The following TBK1 variants were observed in gnomAD, a reference collection of about 807,000 sequenced individuals.
TBK1 encodes TANK binding kinase 1, also known as serine/threonine-protein kinase TBK1.
TBK1 carries 37 observed loss-of-function variants against 99.9 expected under a neutral mutation model. The ratio of observed to expected loss-of-function variants is 0.37; its 90% CI spans 0.28 to 0.49. The LOEUF (loss-of-function observed/expected upper bound fraction) is 0.49. TBK1 is among the 20% of genes least tolerant of loss of function. The pLI is 0.98. For missense variants in TBK1, 644 were observed against 872.5 expected, an observed-to-expected ratio of 0.74 and a Z score of 3.30; for synonymous variants, 258 against 279.8, an observed-to-expected ratio of 0.92 and a Z score of 0.78.
chr12:64,478,222 C>T (rs1199039005), intron 6 of TBK1, among the ~76,000 whole-genome samples: 1 of 152,216 alleles, frequency 6.6e-6, no homozygotes, highest in Non-Finnish European at 1.5e-5. Context: ...CTGATCTCAG[C>T]TCACTGCAAC....
chr12:64,496,868 T>A (rs2040930880), intron 16 of TBK1, 81 bp from the exon 17 acceptor site: 2 of 911,270 alleles, frequency 2.2e-6, no homozygotes, highest in Non-Finnish European at 1.7e-6. Context: ...AAAGATACAT[T>A]TCATATATTT....
intron 6 of TBK1, among the ~76,000 whole-genome samples, chr12:64,476,141 C>T (rs1409575308): frequency 3.6e-5 from 5 of 140,490 alleles, no homozygotes; most frequent in Admixed American, 2.2e-4. Flanking sequence ...TGGCAGCTTG[C>T]GTAGTCTTCT....
chr12:64,464,374 C>A lies in TBK1; in HGVS notation c.269C>A (p.Pro90Gln). ...AAAGTACTTATTATGGAATTTTGTC[C>A]ATGTGGGAGTTTATACACTGTTTTA... ...RHKVLIMEFC[P>Q]CGSLYTVLEE... Residue 90 changes from proline (P) to glutamine (Q), a missense_variant, in exon 4 of 21, where the codon CCA becomes CAA. Physicochemically the swap from Pro to Gln is moderately conservative, Grantham distance 76. Around this residue, in one of 3 missense-constraint regions of TBK1, gnomAD observed 148 missense variants for 202.1 expected, o/e 0.73. Coordinates refer to ENST00000331710, the MANE Select transcript of TBK1 (RefSeq NM_013254.4). The A allele has an allele frequency of 6.2e-7, 1 of 1,603,232 alleles. No individual in the cohort carries two copies. Among genetic ancestry groups the A allele is most frequent in the Non-Finnish European group, 8.5e-7 (1 of 1,175,502 alleles).
At chr12:64,497,398 T>C (rs1166678969) in intron 18 of TBK1, 139 bp downstream of exon 18, 1 of 654,144 alleles carries the variant, frequency 1.5e-6, no homozygotes, top group African/African-American at 1.9e-5. Context: ...AGCCAAGTTT[T>C]AAGAATGTAG....
At chr12:64,475,757 G>C (rs1286689574) in intron 6 of TBK1, among the ~76,000 whole-genome samples, 1 of 152,108 alleles carries the variant, frequency 6.6e-6, no homozygotes, top group African/African-American at 2.4e-5. Flanking sequence ...TTGTTATCCA[G>C]TCTGCCATTG....
intron 20 of TBK1, among the ~76,000 whole-genome samples, chr12:64,498,641 C>T (rs558180407): frequency 5.9e-5 from 9 of 152,278 alleles, no homozygotes; most frequent in South Asian, 4.1e-4. Context: ...GGTTCTCAAA[C>T]GCTTGTAATG....
intron 11 of TBK1, 42 bp from the exon 12 acceptor site, chr12:64,488,445 A>C (rs1234996251): frequency 8.1e-7 from 1 of 1,240,122 alleles, no homozygotes; most frequent in South Asian, 1.5e-5. Flanking sequence ...TAGAAAAAAT[A>C]ACTCCTTAGA....
chr12:64,463,756 G>C (rs1169535449), intron 3 of TBK1, among the ~76,000 whole-genome samples: 5 of 150,690 alleles, frequency 3.3e-5, no homozygotes, highest in Non-Finnish European at 7.4e-5. Context: ...TTGTAACATT[G>C]TACCAATGAT....
intron 13 of TBK1, 164 bp from the exon 14 acceptor site, chr12:64,495,319 C>T (rs1037317138): frequency 1.2e-6 from 1 of 819,674 alleles, no homozygotes; most frequent in Admixed American, 2.9e-5. Flanking sequence ...TGGTGGAAAT[C>T]AACCTAAGAA....
intron 11 of TBK1, 78 bp downstream of exon 11, chr12:64,486,095 T>A: frequency 1.1e-6 from 1 of 936,428 alleles, no homozygotes; most frequent in Non-Finnish European, 1.6e-6. Context: ...CTCTTCAAAC[T>A]AGTTAGGTTA....
intron 13 of TBK1, among the ~76,000 whole-genome samples, chr12:64,490,828 A>G (rs1191937965): frequency 6.6e-6 from 1 of 151,860 alleles, no homozygotes; most frequent in African/African-American, 2.4e-5. Flanking sequence ...AGGCTGAGGC[A>G]GGAGAATTGC....
At chr12:64,458,677 C>G (rs1251885438) in intron 2 of TBK1, among the ~76,000 whole-genome samples, 2 of 152,192 alleles carry the variant, frequency 1.3e-5, no homozygotes, top group Admixed American at 1.3e-4. Flanking sequence ...AAATAATGAC[C>G]ATGAGGTCAG....
chr12:64,494,943 A>G (rs1245778831), intron 13 of TBK1, among the ~76,000 whole-genome samples: 1 of 152,212 alleles, frequency 6.6e-6, no homozygotes, highest in African/African-American at 2.4e-5. Context: ...CTTTCTTCAT[A>G]AGTTTTACAA....
At chr12:64,467,408 A>T (rs1020376173) in intron 5 of TBK1, among the ~76,000 whole-genome samples, 2 of 152,092 alleles carry the variant, frequency 1.3e-5, no homozygotes, top group African/African-American at 4.8e-5. Flanking sequence ...TTATATATTC[A>T]TTATATTTAT....
chr12:64,478,044 T>G (rs886998725), intron 6 of TBK1, among the ~76,000 whole-genome samples: 1 of 152,208 alleles, frequency 6.6e-6, no homozygotes, highest in Non-Finnish European at 1.5e-5. Context: ...TGAAGAATAT[T>G]GAGTTTAGTG....
intron 17 of TBK1, 24 bp from the exon 18 acceptor site, chr12:64,497,139 C>A: frequency 6.3e-7 from 1 of 1,582,298 alleles, no homozygotes; most frequent in South Asian, 1.1e-5. Flanking sequence ...GACTGCATAT[C>A]AATTGATTCT....
In TBK1 at chr12:64,455,851, G is replaced by A. The variant is rs139113825; in HGVS notation, c.-20G>A. The A allele has an allele frequency of 1.3e-6, 2 of 1,593,096 alleles. No homozygotes were observed. The highest frequency in any genetic ancestry group is 3.7e-5 in the Admixed American group (2 of 54,360). On this transcript the variant is annotated 5_prime_UTR_variant, in exon 2 of 21. Transcript: ENST00000331710. ...TTTTTTTCTCTTAGTATAACAAGAGGATTGCCTGATCCAGCCAAGATGCAG... is the reference window on the plus strand; with the variant it reads ...TTTTTTTCTCTTAGTATAACAAGAGAATTGCCTGATCCAGCCAAGATGCAG...
chr12:64,460,640 C>T (rs1290459887), intron 3 of TBK1, among the ~76,000 whole-genome samples: 1 of 151,910 alleles, frequency 6.6e-6, no homozygotes, highest in Non-Finnish European at 1.5e-5. Context: ...TTGAGACCAG[C>T]CTGGCCAATG....
chr12:64,480,821 T>C (rs940437114), intron 7 of TBK1, among the ~76,000 whole-genome samples: 3 of 152,224 alleles, frequency 2.0e-5, no homozygotes, highest in African/African-American at 7.2e-5. Context: ...GTGGTAGTTA[T>C]ATAATCCTTA....
Sources: gnomAD v4.1 joint callset for allele counts (sites outside exome capture counted in the v4.1 genomes callset) on GRCh38, gnomAD v4.1.1 for gene constraint, gnomAD v4.1.1 regional missense constraint, MANE v1.5 for transcripts, NCBI Gene and HGNC (gene_info 2026-07-23, HGNC 2026-07-21) for gene names.